NAP1L4: variants seen among roughly 807,000 people sequenced by gnomAD.
NAP1L4 encodes the protein nucleosome assembly protein 1-like 4.
NAP1L4 carries 15 observed loss-of-function variants against 58.2 expected under a neutral mutation model. The ratio of observed to expected loss-of-function variants is 0.26; its 90% confidence interval spans 0.17 to 0.40. The LOEUF (loss-of-function observed/expected upper bound fraction) is 0.40, where lower values mean the gene tolerates loss of function less well. NAP1L4 is among the 10% of genes least tolerant of loss of function. The pLI, the probability that NAP1L4 is intolerant of heterozygous loss-of-function variation, is 1.00. For synonymous variants in NAP1L4, 171 were observed against 155.6 expected (o/e 1.10, Z -0.74); for missense variants, 384 against 451.1 (o/e 0.85, Z 1.35).
At chr11:2,957,197 C>G (rs983514098) in intron 10 of NAP1L4, among the ~76,000 whole-genome samples, 3 of 152,110 alleles carry the variant, frequency 2.0e-5, no homozygotes, top group African/African-American at 7.2e-5. Context: ...GAAATTAAAG[C>G]CTCCCTTCTT....
chr11:2,986,298 T>TG (rs763567319), intron 1 of NAP1L4, among the ~76,000 whole-genome samples: 9 of 149,380 alleles, frequency 6.0e-5, no homozygotes, highest in South Asian at 4.2e-4. Flanking sequence ...TGCTTGAACC[T>TG]GGGGGGCGGA....
At chr11:2,953,320 T>G (rs550692002) in intron 12 of NAP1L4, among the ~76,000 whole-genome samples, 105 of 152,366 alleles carry the variant, frequency 6.9e-4, no homozygotes, top group Middle Eastern at 3.4e-3. Flanking sequence ...GGGTGTATGA[T>G]CAAAACAGTT....
chr11:2,975,349 T>G (rs1467012808), intron 4 of NAP1L4, among the ~76,000 whole-genome samples: 1 of 151,918 alleles, frequency 6.6e-6, no homozygotes, highest in Non-Finnish European at 1.5e-5. Flanking sequence ...GTAAGAGAGG[T>G]CCTGACAAGA....
intron 15 of NAP1L4, 50 bp from the exon 16 acceptor site, chr11:2,945,696 A>AC (rs1236556930): frequency 1.4e-6 from 2 of 1,448,660 alleles, no homozygotes; most frequent in African/African-American, 2.8e-5. Flanking sequence ...AGCTCCATTC[A>AC]CCAATTAGCT....
intron 7 of NAP1L4, among the ~76,000 whole-genome samples, chr11:2,967,020 T>C (rs1847321441): frequency 6.6e-6 from 1 of 152,160 alleles, no homozygotes; most frequent in South Asian, 2.1e-4. Flanking sequence ...CCATCTCAAA[T>C]TTTCCACTCT....
rs1240803684 is a variant in NAP1L4 at position 2,944,819 on chromosome 11, C to G, written c.*860G>C. ...GGCGCCTGCGTCATGAGGACGGGCTCGCATCTTCAGCCCTGGTGGCAGGGA... is the reference window on the plus strand; with the variant it reads ...GGCGCCTGCGTCATGAGGACGGGCTGGCATCTTCAGCCCTGGTGGCAGGGA... On this transcript the variant is annotated 3_prime_UTR_variant, in exon 16 of 16. Coordinates refer to ENST00000380542, the MANE Select transcript of NAP1L4 (RefSeq NM_005969.4). 2 of 152,398 alleles carry G rather than the reference C, an allele frequency of 1.3e-5. No homozygotes were observed. Among genetic ancestry groups the G allele is most frequent in the South Asian group, 4.1e-4 (2 of 4,828 alleles). The allele number at this position is 152,398 out of a possible 1,614,324, so 9.4% of individuals were successfully genotyped here.
At chr11:2,964,300 A>T (rs1482451196) in intron 8 of NAP1L4, among the ~76,000 whole-genome samples, 1 of 152,106 alleles carries the variant, frequency 6.6e-6, no homozygotes, top group African/African-American at 2.4e-5. Flanking sequence ...AAACAAACAA[A>T]CTACAAGACC....
chr11:2,978,296 C>T lies in NAP1L4; in HGVS notation c.61G>A (p.Ala21Thr), dbSNP rs746180481. 2.5e-6 allele frequency: 4 copies of T among 1,613,778 alleles called. No homozygotes were observed. In the African/African-American group the frequency reaches 5.3e-5, roughly 22 times the overall value. Residue 21 changes from alanine (A) to threonine (T), a missense_variant, in exon 3 of 16, where the codon GCA (alanine) becomes ACA (threonine). Transcript: ENST00000380542. ...GCAGTGGACTGACCTGTGTTACTTG[C>T]ATTTTTAGCAGCTTCCACGGAATCT... Reference protein sequence around the residue: ...PSDSVEAAKNASNTEKLTDQV... With the variant: ...PSDSVEAAKNTSNTEKLTDQV...
Position 2,978,302 on chromosome 11 carries a change from T to C in NAP1L4, c.55A>G (p.Lys19Glu), listed in dbSNP as rs780119220. 3.1e-6 allele frequency: 5 copies of C among 1,614,120 alleles called. No individual in the cohort carries two copies. The East Asian group carries it at 1.1e-4, about 36-fold the overall frequency. ...GVPSDSVEAA[K>E]NASNTEKLTD... Reference sequence around the variant, plus strand: ...GACTGACCTGTGTTACTTGCATTTTTAGCAGCTTCCACGGAATCTGAAGGA... The same window carrying C: ...GACTGACCTGTGTTACTTGCATTTTCAGCAGCTTCCACGGAATCTGAAGGA... Residue 19 changes from lysine to glutamate, a missense_variant, in exon 3 of 16, where the codon AAA (lysine) becomes GAA (glutamate). Lys to Glu is a moderately conservative substitution (Grantham distance 56). Coordinates refer to ENST00000380542, the MANE Select transcript of NAP1L4 (RefSeq NM_005969.4).
rs1048993041 is a variant in NAP1L4 at position 2,948,633 on chromosome 11, C to G, written c.*32+594G>C. On this transcript the variant is annotated intron_variant, in intron 15 of 15. Coordinates refer to ENST00000380542, the MANE Select transcript of NAP1L4 (RefSeq NM_005969.4). The surrounding 1 kb of genome is among the most constrained non-coding windows in gnomAD (Gnocchi z 5.1). ...ATCTACAACTGGTTCTTGCTTCATT[C>G]AACTAGCACCAACCTCACAACAGTA... Among the ~76,000 whole-genome samples, 29 of 152,222 alleles carry G rather than the reference C, an allele frequency of 1.9e-4. No individual in the cohort carries two copies. The highest frequency in any genetic ancestry group is 7.0e-4 in the African/African-American group (29 of 41,454).
At position 2,949,358 on chromosome 11, in the gene NAP1L4, A is replaced by AT. The variant is rs751432592; in HGVS notation, c.1123-95dup. The AT allele has an allele frequency of 3.9e-6, 4 of 1,023,026 alleles. No individual in the cohort carries two copies. Among genetic ancestry groups the AT allele is most frequent in the Non-Finnish European group, 6.2e-6 (4 of 646,800 alleles). The allele number at this position is 1,023,026 out of a possible 1,614,324, so 63.4% of individuals were successfully genotyped here. A position where few individuals can be genotyped will look rare whatever the true frequency, so the allele number is the denominator to read the frequency against. ...GAGGAAACGGCCACAATTTCTCATG[A>AT]TACAAAAGGGCTGCAAGATACTGAA... On this transcript the variant is annotated intron_variant, in intron 14 of 15. Coordinates refer to ENST00000380542, the MANE Select transcript of NAP1L4 (RefSeq NM_005969.4). The surrounding 1 kb of genome is among the most constrained non-coding windows in gnomAD (Gnocchi z 4.0).
intron 1 of NAP1L4, chr11:2,988,210 C>T (rs1848759475): frequency 6.6e-6 from 1 of 152,268 alleles, no homozygotes; most frequent in Non-Finnish European, 1.5e-5. Flanking sequence ...GCAGTCTTTA[C>T]TGCTGCACTC....
intron 8 of NAP1L4, among the ~76,000 whole-genome samples, chr11:2,961,178 A>G (rs751735927): frequency 6.6e-6 from 1 of 152,224 alleles, no homozygotes; most frequent in African/African-American, 2.4e-5. Context: ...AAGTTTATAC[A>G]TTCAAACAAA....
At chr11:2,979,952 A>G (rs1848208772) in intron 1 of NAP1L4, among the ~76,000 whole-genome samples, 1 of 152,120 alleles carries the variant, frequency 6.6e-6, no homozygotes. Flanking sequence ...TACACTTTCA[A>G]ATTAACTTAT....
chr11:2,980,262 A>G (rs1348342266), intron 1 of NAP1L4, among the ~76,000 whole-genome samples: 1 of 152,226 alleles, frequency 6.6e-6, no homozygotes, highest in Non-Finnish European at 1.5e-5. Flanking sequence ...ATCCTGGCTC[A>G]CTGCAGCCTC....
In NAP1L4 at chr11:2,969,950, A is replaced by T; in HGVS notation, c.403-16T>A. ...TCATGTCTCCCTAAAAAAAAGATGCAACATAGGTAACGAAAATAAAAGTTT... is the reference window on the plus strand; with the variant it reads ...TCATGTCTCCCTAAAAAAAAGATGCTACATAGGTAACGAAAATAAAAGTTT... On this transcript the variant is annotated splice_polypyrimidine_tract_variant and intron_variant, in intron 6 of 15. Transcript: ENST00000380542. 1 of 1,601,328 alleles carries T rather than the reference A, an allele frequency of 6.2e-7. No individual in the cohort carries two copies. Among genetic ancestry groups the T allele is most frequent in the Non-Finnish European group, 8.5e-7 (1 of 1,174,510 alleles).
At chr11:2,984,365 G>C (rs1848505836) in intron 1 of NAP1L4, among the ~76,000 whole-genome samples, 1 of 152,028 alleles carries the variant, frequency 6.6e-6, no homozygotes, top group African/African-American at 2.4e-5. Context: ...CTGAGGTCAG[G>C]AGTTCGAGAC....
rs1294119787 is a variant in NAP1L4, at chr11:2,945,322, G to A, written c.*357C>T. Reference sequence around the variant, plus strand: ...CCACCCCACCCTGATGTGGTCTACAGGGCCCTCCCACAGGGAAAGGCCCAG... The same window carrying A: ...CCACCCCACCCTGATGTGGTCTACAAGGCCCTCCCACAGGGAAAGGCCCAG... On this transcript the variant is annotated 3_prime_UTR_variant, in exon 16 of 16. Coordinates refer to ENST00000380542, the MANE Select transcript of NAP1L4 (RefSeq NM_005969.4). The A allele has an allele frequency of 2.6e-6, 1 of 379,356 alleles. No individual in the cohort carries two copies. Among genetic ancestry groups the A allele is most frequent in the East Asian group, 4.3e-5 (1 of 23,056 alleles). 23.5% of individuals were successfully genotyped at this position (379,356 alleles called of 1,614,324 possible). A position where few individuals can be genotyped will look rare whatever the true frequency, so the allele number is the denominator to read the frequency against.
chr11:2,979,947 T>G (rs1848208633), intron 1 of NAP1L4, among the ~76,000 whole-genome samples: 1 of 152,210 alleles, frequency 6.6e-6, no homozygotes, highest in Non-Finnish European at 1.5e-5. Context: ...GTGTTTACAC[T>G]TTCAAATTAA....
Sources: gnomAD v4.1 joint callset for allele counts (sites outside exome capture counted in the v4.1 genomes callset) on GRCh38, gnomAD v4.1.1 for gene constraint, Gnocchi (gnomAD v3.1) non-coding constraint, MANE v1.5 for transcripts, NCBI Gene and HGNC (gene_info 2026-07-23, HGNC 2026-07-21) for gene names.